SHROOM3: variants seen among roughly 807,000 people sequenced by gnomAD.
The protein encoded by SHROOM3 is shroom family member 3.
A neutral mutation model predicts 138.6 loss-of-function variants in SHROOM3; 47 were observed. The observed-to-expected ratio is 0.34, with a 90% confidence interval of 0.27 to 0.43. The LOEUF (loss-of-function observed/expected upper bound fraction) is 0.43. Among genes scored for constraint, SHROOM3 ranks in the 20% least tolerant of loss-of-function variants. The pLI is 1.00. For missense variants in SHROOM3, 2,491 were observed against 2,596.5 expected (o/e 0.96, Z 0.88); for synonymous variants, 1,062 against 1,063.3 (o/e 1.00, Z 0.02).
At position 76,770,864 on chromosome 4, in the gene SHROOM3, G is replaced by A; in HGVS notation, c.5588G>A (p.Ser1863Asn). ...GRLARVENVL[S>N]GLGEDASNEE... Reference sequence around the variant, plus strand: ...CTAGCCCGTGTTGAGAATGTCCTTAGCGGCCTTGGTGAAGATGCCAGTAAT... The same window carrying A: ...CTAGCCCGTGTTGAGAATGTCCTTAACGGCCTTGGTGAAGATGCCAGTAAT... The change falls in exon 10 of 11, where the codon AGC becomes AAC. Residue 1863 changes from serine to asparagine, a missense_variant. Physicochemically the swap from Ser to Asn is conservative, Grantham distance 46. Transcript: ENST00000296043. 1 of 1,614,254 alleles carries A rather than the reference G, an allele frequency of 6.2e-7. No homozygotes were observed. The highest frequency in any genetic ancestry group is 8.5e-7 in the Non-Finnish European group (1 of 1,180,046).
Position 76,739,843 on chromosome 4 carries a change from T to G in SHROOM3, c.1670T>G (p.Val557Gly), listed in dbSNP as rs1288943568. 1.9e-6 allele frequency: 3 copies of G among 1,613,978 alleles called. No homozygotes were observed. The highest frequency in any genetic ancestry group is 1.7e-5 in the Admixed American group (1 of 60,002). ...EATAKYVPSKVHFCSVPENEE... is the reference protein window; with the variant it reads ...EATAKYVPSKGHFCSVPENEE... ...ACAGCCAAGTATGTCCCCTCCAAAG[T>G]CCATTTCTGTTCAGTGCCTGAAAAT... The change falls in exon 5 of 11, where the codon GTC (valine) becomes GGC (glycine). Residue 557 changes from valine to glycine, a missense_variant. Transcript: ENST00000296043.
In SHROOM3 at chr4:76,740,832, C is replaced by A. The variant is rs549997911; in HGVS notation, c.2659C>A (p.Arg887Ser). The A allele has an allele frequency of 6.3e-7, 1 of 1,593,412 alleles. No individual in the cohort carries two copies. Among genetic ancestry groups the A allele is most frequent in the Non-Finnish European group, 8.5e-7 (1 of 1,170,372 alleles). The change falls in exon 5 of 11, where the codon CGT becomes AGT. Residue 887 changes from arginine (R) to serine (S), a missense_variant. Coordinates refer to ENST00000296043, the MANE Select transcript of SHROOM3 (RefSeq NM_020859.4). The surrounding 1 kb of genome is among the most constrained non-coding windows in gnomAD (Gnocchi z 4.0). ...CCAGAGGCCGGACGCTCGGCTCCTCCGTAGCCAGAGCACCTTCCAGCTCTC... is the reference window on the plus strand; with the variant it reads ...CCAGAGGCCGGACGCTCGGCTCCTCAGTAGCCAGAGCACCTTCCAGCTCTC... ...GPQRPDARLL[R>S]SQSTFQLSSE...
intron 10 of SHROOM3, among the ~76,000 whole-genome samples, chr4:76,775,785 T>TACACATATATATACACACATAC (rs1216032241): frequency 2.0e-5 from 3 of 151,654 alleles, no homozygotes; most frequent in African/African-American, 7.3e-5. Context: ...TACACATATA[T>TACACATATATATACACACATAC]ACACATATAT....
intron 4 of SHROOM3, 25 bp from the exon 5 acceptor site, chr4:76,738,736 A>ACTGACTG (rs1339952052): frequency 6.2e-7 from 1 of 1,613,678 alleles, no homozygotes; most frequent in Non-Finnish European, 8.5e-7. Flanking sequence ...GCTCAGTGGT[A>ACTGACTG]CTGACTGCTT....
chr4:76,622,442 A>G (rs1325356382), intron 2 of SHROOM3, among the ~76,000 whole-genome samples: 2 of 152,010 alleles, frequency 1.3e-5, no homozygotes, highest in Non-Finnish European at 2.9e-5. Flanking sequence ...GCACTTGTAC[A>G]TTTGTTTTCA....
intron 1 of SHROOM3, among the ~76,000 whole-genome samples, chr4:76,511,173 A>T (rs547329732): frequency 1.4e-5 from 2 of 139,998 alleles, no homozygotes; most frequent in South Asian, 2.4e-4. Flanking sequence ...CAAGAGGGAA[A>T]CTCCATCTCA....
intron 9 of SHROOM3, among the ~76,000 whole-genome samples, chr4:76,769,479 A>G (rs1320178348): frequency 6.6e-6 from 1 of 152,256 alleles, no homozygotes. Flanking sequence ...GACAATATAA[A>G]TGAATTCAAA....
chr4:76,631,813 T>TA (rs2110073490), intron 2 of SHROOM3, among the ~76,000 whole-genome samples: 2 of 152,230 alleles, frequency 1.3e-5, no homozygotes, highest in East Asian at 3.9e-4. Context: ...TTTGAGGAAA[T>TA]AGAGTCAATG....
intron 5 of SHROOM3, among the ~76,000 whole-genome samples, chr4:76,747,441 T>A (rs1347293672): frequency 6.6e-6 from 1 of 152,188 alleles, no homozygotes; most frequent in Non-Finnish European, 1.5e-5. Context: ...TTCAGAGAAT[T>A]CTCTCAATAG....
At chr4:76,676,944 C>CAAAAAAAAAAAAAAAAAA (rs58270392) in intron 2 of SHROOM3, among the ~76,000 whole-genome samples, 7 of 79,044 alleles carry the variant, frequency 8.9e-5, no homozygotes, top group African/African-American at 4.0e-4. Context: ...CTCCGTCTCA[C>CAAAAAAAAAAAAAAAAAA]AAAAAAAAAA....
chr4:76,700,552 A>G (rs2035945), intron 2 of SHROOM3, among the ~76,000 whole-genome samples: 44,640 of 151,960 alleles, frequency 0.29, 6,729 homozygotes, highest in East Asian at 0.42. Flanking sequence ...GCGTGTATGT[A>G]TATATTTATT....
intron 9 of SHROOM3, among the ~76,000 whole-genome samples, chr4:76,766,062 C>T (rs540608419): frequency 6.6e-6 from 1 of 152,310 alleles, no homozygotes; most frequent in East Asian, 1.9e-4. Context: ...AGATGATCTG[C>T]GTTTAAGCCT....
chr4:76,690,152 C>T (rs1305278551), intron 2 of SHROOM3, among the ~76,000 whole-genome samples: 1 of 152,154 alleles, frequency 6.6e-6, no homozygotes, highest in East Asian at 1.9e-4. Context: ...TGCTCCAGAT[C>T]TTAAGACAGT....
At chr4:76,650,519 A>ATGTT (rs1735931111) in intron 2 of SHROOM3, among the ~76,000 whole-genome samples, 1 of 145,508 alleles carries the variant, frequency 6.9e-6, no homozygotes, top group African/African-American at 2.6e-5. Flanking sequence ...TTTTTTAAGT[A>ATGTT]TATTTATTTA....
At chr4:76,747,805 A>G (rs1258142342) in intron 5 of SHROOM3, among the ~76,000 whole-genome samples, 1 of 152,178 alleles carries the variant, frequency 6.6e-6, no homozygotes, top group Non-Finnish European at 1.5e-5. Context: ...TTCTCAAGCC[A>G]TTCAAGTCTG....
At chr4:76,743,432 T>C (rs1404754214) in intron 5 of SHROOM3, among the ~76,000 whole-genome samples, 1 of 152,216 alleles carries the variant, frequency 6.6e-6, no homozygotes, top group Non-Finnish European at 1.5e-5. Flanking sequence ...AGTTCCTCTG[T>C]ATGTGACGAT....
intron 2 of SHROOM3, among the ~76,000 whole-genome samples, chr4:76,569,093 G>A (rs751764770): frequency 6.6e-5 from 10 of 152,206 alleles, no homozygotes; most frequent in Non-Finnish European, 1.2e-4. Context: ...CAGCATATAT[G>A]TGCTGAATGG....
chr4:76,499,927 A>G (rs116606941), intron 1 of SHROOM3, among the ~76,000 whole-genome samples: 1 of 152,242 alleles, frequency 6.6e-6, no homozygotes, highest in Non-Finnish European at 1.5e-5. Flanking sequence ...GATAGCTACC[A>G]CTTACGGAAT....
At position 76,488,305 on chromosome 4, in the gene SHROOM3, T is replaced by A. The variant is rs146877722; in HGVS notation, c.168+52085T>A. 9.8e-3 allele frequency among the ~76,000 whole-genome samples: 1,496 copies of A among 152,308 alleles called. 11 individuals are homozygous for A. The highest frequency in any genetic ancestry group is 0.049 in the South Asian group (236 of 4,826). Reference sequence around the variant, plus strand: ...TGACTTTGCAAAATAAACATCGTCTTAGAATTGAGGTCCTAGAATTAATGG... The same window carrying A: ...TGACTTTGCAAAATAAACATCGTCTAAGAATTGAGGTCCTAGAATTAATGG... On this transcript the variant is annotated intron_variant, in intron 1 of 10. Transcript: ENST00000296043.
Sources: gnomAD v4.1 joint callset for allele counts (sites outside exome capture counted in the v4.1 genomes callset) on GRCh38, gnomAD v4.1.1 for gene constraint, Gnocchi (gnomAD v3.1) non-coding constraint, MANE v1.5 for transcripts, NCBI Gene and HGNC (gene_info 2026-07-23, HGNC 2026-07-21) for gene names.